The following FAM13A variants were observed in gnomAD, a reference collection of about 807,000 sequenced individuals.
FAM13A encodes protein FAM13A.
FAM13A carries 76 observed loss-of-function variants against 129.6 expected under a neutral mutation model. The observed-to-expected ratio is 0.59, with a 90% confidence interval of 0.49 to 0.71. The LOEUF is 0.71. FAM13A is among the 30% of genes least tolerant of loss of function. FAM13A has a pLI of 0.00. For synonymous variants in FAM13A, 443 were observed against 449.9 expected (o/e 0.98, Z 0.20); for missense variants, 1,108 against 1,249.3 (o/e 0.89, Z 1.70).
At chr4:88,751,860 T>C (rs575236263) in intron 14 of FAM13A, among the ~76,000 whole-genome samples, 6 of 152,336 alleles carry the variant, frequency 3.9e-5, no homozygotes, top group South Asian at 2.1e-4. Context: ...TACACAACGG[T>C]AGAATTTGGC....
At chr4:89,023,632 T>C (rs1579818000) in intron 2 of FAM13A, among the ~76,000 whole-genome samples, 1 of 152,218 alleles carries the variant, frequency 6.6e-6, no homozygotes, top group Non-Finnish European at 1.5e-5. Context: ...AGTGACTGAA[T>C]TTAATGCTCC....
chr4:88,913,576 AAAG>A lies in FAM13A; in HGVS notation c.760-7117_760-7115del, dbSNP rs146032151. Among the ~76,000 whole-genome samples, 128 of 152,280 alleles carry A rather than the reference AAAG, an allele frequency of 8.4e-4. No individual in the cohort carries two copies. In the East Asian group the frequency reaches 0.017, roughly 21 times the overall value. ...GAGGAGGAGGAGGAAGAAGAAGAAA[AAAG>A]AAGAAGAAGGCGGCAAATAATACAT... On this transcript the variant is annotated intron_variant, in intron 5 of 23. Coordinates refer to ENST00000264344, the MANE Select transcript of FAM13A (RefSeq NM_014883.4).
At chr4:88,923,183 C>A (rs1259297867) in intron 5 of FAM13A, among the ~76,000 whole-genome samples, 2 of 152,130 alleles carry the variant, frequency 1.3e-5, no homozygotes, top group African/African-American at 4.8e-5. Context: ...AGAGGGAATC[C>A]TCCCTAACTC....
At chr4:88,810,300 A>G (rs769617281) in intron 7 of FAM13A, among the ~76,000 whole-genome samples, 4 of 152,180 alleles carry the variant, frequency 2.6e-5, no homozygotes, top group Non-Finnish European at 5.9e-5. Context: ...CAGCTGAATT[A>G]TGTCACCCCA....
chr4:88,945,990 G>GTGTGTGTGTATATA lies in FAM13A; in HGVS notation c.606-7750_606-7749insTATATACACACACA. ...TGTGTGTGTGTGTGTGTGTGTGTGT[G>GTGTGTGTGTATATA]TATATATATATATATATATATATAT... On this transcript the variant is annotated intron_variant, in intron 4 of 23. Coordinates refer to ENST00000264344, the MANE Select transcript of FAM13A (RefSeq NM_014883.4). Among the ~76,000 whole-genome samples the GTGTGTGTGTATATA allele has an allele frequency of 1.4e-3, 87 of 61,900 alleles. 1 individual carries two copies. Among genetic ancestry groups the GTGTGTGTGTATATA allele is most frequent in the Admixed American group, 1.9e-3 (11 of 5,862 alleles). The allele number at this position is 61,900 out of a possible 152,430, so 40.6% of individuals were successfully genotyped here.
At chr4:88,976,549 T>C (rs971152648) in intron 4 of FAM13A, among the ~76,000 whole-genome samples, 3 of 152,054 alleles carry the variant, frequency 2.0e-5, no homozygotes, top group Non-Finnish European at 4.4e-5. Context: ...AAACCAAATA[T>C]ATGAGGGTGG....
intron 6 of FAM13A, among the ~76,000 whole-genome samples, chr4:88,872,104 T>C (rs1278423056): frequency 2.0e-5 from 3 of 152,200 alleles, no homozygotes; most frequent in Non-Finnish European, 2.9e-5. Flanking sequence ...CTGAGAGATT[T>C]TGTCACCACC....
intron 3 of FAM13A, among the ~76,000 whole-genome samples, chr4:89,012,315 G>A (rs1161754474): frequency 6.6e-6 from 1 of 152,182 alleles, no homozygotes; most frequent in East Asian, 1.9e-4. Context: ...TATAAACCTT[G>A]ATTAAGGAAG....
chr4:88,844,372 A>T lies in FAM13A; in HGVS notation c.1007+6648T>A, dbSNP rs142817815. Among the ~76,000 whole-genome samples the T allele has an allele frequency of 1.1e-4, 17 of 152,318 alleles. No homozygotes were observed. In the East Asian group the frequency reaches 2.7e-3, roughly 24 times the overall value. ...CTACATGATCTTGGATAATTCACCTAACTCAATAAATGTCTGTGAAATGAA... is the reference window on the plus strand; with the variant it reads ...CTACATGATCTTGGATAATTCACCTTACTCAATAAATGTCTGTGAAATGAA... On this transcript the variant is annotated intron_variant, in intron 7 of 23. Coordinates refer to ENST00000264344, the MANE Select transcript of FAM13A (RefSeq NM_014883.4).
intron 4 of FAM13A, among the ~76,000 whole-genome samples, chr4:88,989,367 C>T (rs1432379841): frequency 2.6e-5 from 4 of 151,720 alleles, no homozygotes; most frequent in South Asian, 2.1e-4. Context: ...TTAGGGAGGT[C>T]GCGGCAGGTG....
At chr4:88,914,953 A>G (rs548443122) in intron 5 of FAM13A, among the ~76,000 whole-genome samples, 14 of 152,334 alleles carry the variant, frequency 9.2e-5, no homozygotes, top group African/African-American at 3.4e-4. Flanking sequence ...CACATAAAAG[A>G]AGCTACATTA....
chr4:88,774,151 C>T (rs1340014197), intron 11 of FAM13A, among the ~76,000 whole-genome samples: 1 of 152,180 alleles, frequency 6.6e-6, no homozygotes, highest in Non-Finnish European at 1.5e-5. Flanking sequence ...ATTCCCTCAC[C>T]TCCTTCAGGC....
chr4:88,787,944 G>A lies in FAM13A; in HGVS notation c.1092-12C>T, dbSNP rs200939232. The A allele has an allele frequency of 8.1e-4, 1,299 of 1,608,896 alleles. 2 individuals are homozygous for A. Among genetic ancestry groups the A allele is most frequent in the Middle Eastern group, 3.5e-3 (21 of 6,022 alleles). The stretch of plus-strand genomic sequence containing the variant: ...TTCTTTCTAAGAGTCTGGCAAAAAA[G>A]AATGCAGAGTCATTCAAGCAGTCAA... On this transcript the variant is annotated splice_polypyrimidine_tract_variant and intron_variant, in intron 9 of 23. Transcript: ENST00000264344.
intron 11 of FAM13A, among the ~76,000 whole-genome samples, chr4:88,769,629 C>T (rs1054648308): frequency 3.3e-5 from 5 of 151,864 alleles, no homozygotes; most frequent in Admixed American, 6.6e-5. Flanking sequence ...GTCAAGAGAT[C>T]GAGACCATCC....
chr4:88,734,099 T>C (rs1038583752), intron 21 of FAM13A, among the ~76,000 whole-genome samples: 1 of 152,236 alleles, frequency 6.6e-6, no homozygotes, highest in Non-Finnish European at 1.5e-5. Flanking sequence ...ATAGATAATA[T>C]ATAAGCAATT....
At chr4:88,893,720 C>A (rs984358336) in intron 6 of FAM13A, among the ~76,000 whole-genome samples, 1 of 149,746 alleles carries the variant, frequency 6.7e-6, no homozygotes, top group African/African-American at 2.5e-5. Context: ...GCTAGCTACT[C>A]GGGAGGGTGA....
chr4:88,807,745 A>G (rs1728866223), intron 7 of FAM13A, among the ~76,000 whole-genome samples: 1 of 152,216 alleles, frequency 6.6e-6, no homozygotes, highest in African/African-American at 2.4e-5. Context: ...TATGCCTGAC[A>G]GCACTTATAA....
At chr4:88,946,216 G>A (rs149708979) in intron 4 of FAM13A, among the ~76,000 whole-genome samples, 1 of 151,154 alleles carries the variant, frequency 6.6e-6, no homozygotes, top group Non-Finnish European at 1.5e-5. Flanking sequence ...ATCAGGTAAA[G>A]TGTAAAATGC....
Position 88,893,760 on chromosome 4 carries a change from G to A in FAM13A, c.843+12619C>T, listed in dbSNP as rs112341778. Among the ~76,000 whole-genome samples, 1,377 of 151,550 alleles carry A rather than the reference G, an allele frequency of 9.1e-3. 21 individuals are homozygous for A. The highest frequency in any genetic ancestry group is 0.031 in the African/African-American group (1,300 of 41,326). ...GGAGAATGGCGTGAACCCGGGAGGC[G>A]GAGCTGCAGTGAGCCGAGATCGCGC... is the stretch of plus-strand genomic sequence containing the variant. On this transcript the variant is annotated intron_variant, in intron 6 of 23. Transcript: ENST00000264344.
Sources: allele counts gnomAD v4.1 joint callset (sites outside exome capture counted in the v4.1 genomes callset), GRCh38; gene constraint gnomAD v4.1.1; transcripts MANE v1.5; gene names NCBI Gene and HGNC (gene_info 2026-07-23, HGNC 2026-07-21).